TEKT5: variants seen among roughly 807,000 people sequenced by gnomAD.
TEKT5 encodes tektin-5.
A neutral mutation model predicts 48.7 loss-of-function variants in TEKT5; 52 were observed. That is an observed-to-expected ratio of 1.07 (90% CI 0.86 to 1.35). The LOEUF (loss-of-function observed/expected upper bound fraction) is 1.35, where lower values mean the gene tolerates loss of function less well. Ranked by LOEUF, TEKT5 falls within the 40% of genes most tolerant of loss-of-function variation. The pLI is 0.00. For synonymous variants in TEKT5, 318 were observed against 267.6 expected (o/e 1.19, Z -1.84); for missense variants, 831 against 641.6 (o/e 1.30, Z -3.19).
intron 5 of TEKT5, among the ~76,000 whole-genome samples, chr16:10,655,515 C>G (rs974591005): frequency 6.6e-6 from 1 of 152,162 alleles, no homozygotes; most frequent in African/African-American, 2.4e-5. Flanking sequence ...GGCATTGTGG[C>G]TAGTTGACAC....
At chr16:10,632,780 T>G (rs1897856345) in intron 6 of TEKT5, among the ~76,000 whole-genome samples, 1 of 151,642 alleles carries the variant, frequency 6.6e-6, no homozygotes, top group Non-Finnish European at 1.5e-5. Context: ...ATTTAGCCAC[T>G]GGAGAAGGGA....
At chr16:10,631,857 G>T (rs1897845964) in intron 6 of TEKT5, among the ~76,000 whole-genome samples, 1 of 152,170 alleles carries the variant, frequency 6.6e-6, no homozygotes, top group Admixed American at 6.5e-5. Context: ...ACCTTGATTT[G>T]GGACTTCTGG....
chr16:10,631,070 A>ATG (rs140397594), intron 6 of TEKT5, among the ~76,000 whole-genome samples: 22 of 4,400 alleles, frequency 5.0e-3, no homozygotes, highest in Non-Finnish European at 0.011. Flanking sequence ...ATCTATGTCC[A>ATG]TATATATATA....
At chr16:10,634,092 T>A (rs181637501) in intron 6 of TEKT5, among the ~76,000 whole-genome samples, 4 of 152,310 alleles carry the variant, frequency 2.6e-5, no homozygotes, top group Admixed American at 2.0e-4. Context: ...GACCAAGACC[T>A]GTGCTCCCTG....
chr16:10,636,524 G>C (rs1468344166), intron 5 of TEKT5, among the ~76,000 whole-genome samples: 1 of 152,076 alleles, frequency 6.6e-6, no homozygotes, highest in Non-Finnish European at 1.5e-5. Flanking sequence ...TCAGTGCTCA[G>C]CAGGAAGAAA....
rs368532623 is a variant in TEKT5, at chr16:10,659,086, C to G, written c.1086+16873G>C. ...AAGGATGTTTAGTAGCATCCCTGGT[C>G]TCTACCCACTAAATGCCAGTAGCAT... On this transcript the variant is annotated intron_variant, in intron 5 of 6. Coordinates refer to ENST00000283025, the MANE Select transcript of TEKT5 (RefSeq NM_144674.2). Among the ~76,000 whole-genome samples, 7 of 152,326 alleles carry G rather than the reference C, an allele frequency of 4.6e-5. No homozygotes were observed. The South Asian group carries it at 1.2e-3, about 27-fold the overall frequency.
chr16:10,660,691 GTGTGTGTGTGTGTT>G (rs758443389), intron 5 of TEKT5, among the ~76,000 whole-genome samples: 17 of 116,380 alleles, frequency 1.5e-4, no homozygotes, highest in African/African-American at 3.9e-4. Flanking sequence ...GTGTGTGTGT[GTGTGTGTGTGTGTT>G]ATTTATTTAT....
chr16:10,661,766 G>A (rs1898375737), intron 5 of TEKT5, among the ~76,000 whole-genome samples: 1 of 152,142 alleles, frequency 6.6e-6, no homozygotes, highest in African/African-American at 2.4e-5. Context: ...AGAGGTTGGG[G>A]AGCCACCAGC....
intron 5 of TEKT5, among the ~76,000 whole-genome samples, chr16:10,645,051 C>G (rs990697842): frequency 6.6e-6 from 1 of 152,132 alleles, no homozygotes; most frequent in Non-Finnish European, 1.5e-5. Context: ...CACCAGAACC[C>G]GATCATGCTG....
chr16:10,651,788 C>G (rs1348227888), intron 5 of TEKT5, among the ~76,000 whole-genome samples: 1 of 152,000 alleles, frequency 6.6e-6, no homozygotes, highest in East Asian at 1.9e-4. Context: ...GGCGAAACCC[C>G]GTCTCTACTA....
rs561437286 is a variant in TEKT5, at chr16:10,681,842, A to C, written c.863+151T>G. The C allele has an allele frequency of 6.5e-6, 7 of 1,076,508 alleles. No individual in the cohort carries two copies. The Admixed American group carries it at 1.6e-4, about 25-fold the overall frequency. 66.7% of individuals were successfully genotyped at this position (1,076,508 alleles called of 1,614,324 possible). A position where few individuals can be genotyped will look rare whatever the true frequency, so the allele number is the denominator to read the frequency against. On this transcript the variant is annotated intron_variant, in intron 4 of 6. Transcript: ENST00000283025. The stretch of plus-strand genomic sequence containing the variant: ...CTTGTCTTAAGCTAACCCGACTTGG[A>C]TTCTGCCGCCTGCGCTAGAGGATCC...
chr16:10,661,898 T>C (rs927982575), intron 5 of TEKT5, among the ~76,000 whole-genome samples: 2 of 152,160 alleles, frequency 1.3e-5, no homozygotes, highest in African/African-American at 4.8e-5. Flanking sequence ...TGGATTTAGG[T>C]AACCCGTGTA....
At chr16:10,636,493 A>G (rs1442439402) in intron 5 of TEKT5, among the ~76,000 whole-genome samples, 1 of 152,098 alleles carries the variant, frequency 6.6e-6, no homozygotes, top group Admixed American at 6.6e-5. Flanking sequence ...CTGAACCTCC[A>G]ATAGCCATTA....
intron 6 of TEKT5, among the ~76,000 whole-genome samples, chr16:10,629,942 TTC>T (rs1238133061): frequency 1.3e-5 from 2 of 152,104 alleles, no homozygotes; most frequent in Admixed American, 1.3e-4. Context: ...AGGACTTTTT[TTC>T]TTTTTTCTTT....
Position 10,689,239 on chromosome 16 carries a change from AAAAAAGCCCT to A in TEKT5, c.719+4_719+13del. On this transcript the variant is annotated splice_donor_5th_base_variant and intron_variant, in intron 3 of 6. Transcript: ENST00000283025. ...CCCCAAGGAGAGGGAATTAAAAAAA[AAAAAAGCCCT>A]TACCGCATCTGGATATCAATTCTTT... 6.3e-7 allele frequency: 1 copy of A among 1,588,420 alleles called. No individual in the cohort carries two copies. Among genetic ancestry groups the A allele is most frequent in the Non-Finnish European group, 8.5e-7 (1 of 1,172,988 alleles).
intron 5 of TEKT5, among the ~76,000 whole-genome samples, chr16:10,653,178 CA>C (rs1898198599): frequency 6.6e-6 from 1 of 152,194 alleles, no homozygotes; most frequent in African/African-American, 2.4e-5. Context: ...GGGATTGGCT[CA>C]GGGGGTCACC....
chr16:10,644,514 T>A (rs974693570), intron 5 of TEKT5, among the ~76,000 whole-genome samples: 1 of 152,174 alleles, frequency 6.6e-6, no homozygotes, highest in East Asian at 1.9e-4. Flanking sequence ...AGAAAGAGCT[T>A]CCCTGTCTAC....
chr16:10,665,427 T>C (rs1898441159), intron 5 of TEKT5, among the ~76,000 whole-genome samples: 1 of 152,178 alleles, frequency 6.6e-6, no homozygotes, highest in Non-Finnish European at 1.5e-5. Flanking sequence ...TTCCTGAGCA[T>C]AGGTGGTGTT....
chr16:10,645,118 T>C (rs2142268035), intron 5 of TEKT5, among the ~76,000 whole-genome samples: 1 of 152,292 alleles, frequency 6.6e-6, no homozygotes. Context: ...TTTTGATGTT[T>C]ACAAACCACC....
Sources: gnomAD v4.1 joint callset for allele counts (sites outside exome capture counted in the v4.1 genomes callset) on GRCh38, gnomAD v4.1.1 for gene constraint, MANE v1.5 for transcripts, NCBI Gene and HGNC (gene_info 2026-07-23, HGNC 2026-07-21) for gene names.